BICDL1: variants seen among roughly 807,000 people sequenced by gnomAD.
The protein encoded by BICDL1 is BICD family like cargo adaptor 1, also known as BICD family-like cargo adapter 1.
In BICDL1, 20 loss-of-function variants were observed where a neutral mutation model predicts 76.8. The observed-to-expected ratio is 0.26, with a 90% CI of 0.18 to 0.38. The LOEUF (loss-of-function observed/expected upper bound fraction) is 0.38, where lower values mean the gene tolerates loss of function less well. Among genes scored for constraint, BICDL1 ranks in the 10% least tolerant of loss-of-function variants. The pLI is 1.00. For synonymous variants in BICDL1, 383 were observed against 337.1 expected, an observed-to-expected ratio of 1.14 and a Z score of -1.49; for missense variants, 700 against 798.6, an observed-to-expected ratio of 0.88 and a Z score of 1.49.
Position 119,989,926 on chromosome 12 carries a change from A to C in BICDL1, c.58A>C (p.Ser20Arg). 6.8e-7 allele frequency: 1 copy of C among 1,467,088 alleles called. No homozygotes were observed. The allele number at this position is 1,467,088 out of a possible 1,614,324, so 90.9% of individuals were successfully genotyped here. Residue 20 changes from serine (S) to arginine (R), a missense_variant, in exon 1 of 10, where the codon AGC becomes CGC. Ser to Arg is a moderately radical substitution (Grantham distance 110). Coordinates refer to ENST00000548673, the MANE Select transcript of BICDL1 (RefSeq NM_001367886.1). ...GRASAPAEPDSACCMELPAAA... is the reference protein window; with the variant it reads ...GRASAPAEPDRACCMELPAAA... ...CGCTTCAGCACCCGCCGAGCCGGAC[A>C]GCGCCTGCTGCATGGAGCTGCCCGC...
intron 9 of BICDL1, 167 bp downstream of exon 9, chr12:120,090,238 G>A (rs1454823817): frequency 1.4e-6 from 1 of 736,786 alleles, no homozygotes; most frequent in East Asian, 2.8e-5. Context: ...CCTAGTCCTT[G>A]GGGAAGAATG....
chr12:120,091,517 A>AG (rs1281330322), intron 9 of BICDL1: 1 of 983,224 alleles, frequency 1.0e-6, no homozygotes, highest in Non-Finnish European at 1.2e-6. Context: ...CCTTATAAGG[A>AG]GGGACCGTGT....
At chr12:120,003,441 C>G (rs1951797011) in intron 2 of BICDL1, among the ~76,000 whole-genome samples, 1 of 152,144 alleles carries the variant, frequency 6.6e-6, no homozygotes, top group African/African-American at 2.4e-5. Flanking sequence ...ATTATTAGAA[C>G]TATAACTGTC....
At position 120,094,365 on chromosome 12, in the gene BICDL1, C is replaced by G. The variant is rs147755545; in HGVS notation, c.*1204C>G. The G allele has an allele frequency of 9.8e-4, 436 of 444,804 alleles. 3 individuals are homozygous for G. Among genetic ancestry groups the G allele is most frequent in the Non-Finnish European group, 3.1e-4 (68 of 219,914 alleles). The allele number at this position is 444,804 out of a possible 1,614,324, so 27.6% of individuals were successfully genotyped here. A position where few individuals can be genotyped will look rare whatever the true frequency, so the allele number is the denominator to read the frequency against. Reference sequence around the variant, plus strand: ...GTGCTGTAATTTTGTATGTAGCAATCATGTAAATACATGTATGGATTTTAT... The same window carrying G: ...GTGCTGTAATTTTGTATGTAGCAATGATGTAAATACATGTATGGATTTTAT... On this transcript the variant is annotated 3_prime_UTR_variant, in exon 10 of 10. Coordinates refer to ENST00000548673, the MANE Select transcript of BICDL1 (RefSeq NM_001367886.1).
intron 2 of BICDL1, among the ~76,000 whole-genome samples, chr12:120,059,334 A>G (rs1360178918): frequency 2.6e-5 from 4 of 152,014 alleles, no homozygotes; most frequent in Non-Finnish European, 4.4e-5. Flanking sequence ...CAGTGGCTCA[A>G]TCTCAACTCA....
intron 2 of BICDL1, among the ~76,000 whole-genome samples, chr12:120,038,865 C>T (rs1055429937): frequency 6.6e-6 from 1 of 152,162 alleles, no homozygotes; most frequent in African/African-American, 2.4e-5. Context: ...GTTCATGTGA[C>T]ACCAATTGGC....
intron 4 of BICDL1, among the ~76,000 whole-genome samples, chr12:120,067,435 A>T (rs1953245101): frequency 6.6e-6 from 1 of 152,252 alleles, no homozygotes. Context: ...GTACAAACAC[A>T]AAGCACTTGG....
At chr12:120,092,763 A>G (rs1487275334) in intron 9 of BICDL1, 2 of 985,264 alleles carry the variant, frequency 2.0e-6, no homozygotes, top group African/African-American at 3.5e-5. Context: ...CAGGAGTAAC[A>G]CTGTTGAGGA....
chr12:120,078,641 A>AT (rs1873746652), intron 7 of BICDL1, among the ~76,000 whole-genome samples: 3 of 152,340 alleles, frequency 2.0e-5, no homozygotes, highest in Admixed American at 2.0e-4. Context: ...ATTTCCGCTT[A>AT]TTATAAAAAG....
chr12:120,093,949 T>C lies in BICDL1; in HGVS notation c.*788T>C, dbSNP rs992938370. 1.2e-5 allele frequency: 4 copies of C among 323,520 alleles called. No homozygotes were observed. Among genetic ancestry groups the C allele is most frequent in the Admixed American group, 4.1e-5 (1 of 24,514 alleles). 20.0% of individuals were successfully genotyped at this position (323,520 alleles called of 1,614,324 possible). The stretch of plus-strand genomic sequence containing the variant: ...CTCAGGGCTGGGGTTGGACGGGGTC[T>C]CCTCCTCCCACAGCTCCCTCCTCCA... On this transcript the variant is annotated 3_prime_UTR_variant, in exon 10 of 10. Transcript: ENST00000548673.
chr12:120,033,367 CTT>C lies in BICDL1; in HGVS notation c.646-28323_646-28322del, dbSNP rs569302592. On this transcript the variant is annotated intron_variant, in intron 2 of 9. Transcript: ENST00000548673. ...CAGTTTTCCTGTGGAGAGTTCTTGC[CTT>C]TTTTTTTTTTTTTTTTTTTGTGGGG... is the stretch of plus-strand genomic sequence containing the variant. 3.0e-4 allele frequency among the ~76,000 whole-genome samples: 23 copies of C among 77,606 alleles called. 1 individual carries two copies. Among genetic ancestry groups the C allele is most frequent in the African/African-American group, 1.6e-3 (20 of 12,696 alleles). The allele number at this position is 77,606 out of a possible 152,430, so 50.9% of individuals were successfully genotyped here.
chr12:120,080,221 C>T (rs1873861124), intron 7 of BICDL1, among the ~76,000 whole-genome samples: 1 of 152,220 alleles, frequency 6.6e-6, no homozygotes, highest in South Asian at 2.1e-4. Context: ...AGGGGTGCCT[C>T]ACTGCCAAAG....
Position 120,039,637 on chromosome 12 carries a change from C to CAAAAA in BICDL1, c.646-22054_646-22050dup, listed in dbSNP as rs58284420. On this transcript the variant is annotated intron_variant, in intron 2 of 9. Transcript: ENST00000548673. ...TGGGTGACAGAGTGAGACTCCGTCT[C>CAAAAA]AAAAAAAAAAAAAAAAAAAAAAAGA... Among the ~76,000 whole-genome samples the CAAAAA allele has an allele frequency of 9.0e-3, 450 of 50,026 alleles. 4 individuals carry two copies. The highest frequency in any genetic ancestry group is 0.013 in the Non-Finnish European group (321 of 24,998). The allele number at this position is 50,026 out of a possible 152,430, so 32.8% of individuals were successfully genotyped here. A position where few individuals can be genotyped will look rare whatever the true frequency, so the allele number is the denominator to read the frequency against.
intron 1 of BICDL1, among the ~76,000 whole-genome samples, chr12:119,991,526 A>T (rs552031802): frequency 6.6e-6 from 1 of 152,356 alleles, no homozygotes; most frequent in South Asian, 2.1e-4. Flanking sequence ...TCGTTTGTGA[A>T]ACCTATAGGT....
At chr12:120,009,108 G>A (rs867428095) in intron 2 of BICDL1, among the ~76,000 whole-genome samples, 25 of 151,910 alleles carry the variant, frequency 1.6e-4, no homozygotes, top group African/African-American at 5.1e-4. Context: ...GTGCCTCAGC[G>A]TCCCGAGTAG....
At chr12:120,050,123 T>G (rs1212479929) in intron 2 of BICDL1, among the ~76,000 whole-genome samples, 1 of 152,194 alleles carries the variant, frequency 6.6e-6, no homozygotes, top group Non-Finnish European at 1.5e-5. Context: ...AAGTATCTGT[T>G]CGAATGTTTT....
At position 120,078,729 on chromosome 12, in the gene BICDL1, T is replaced by A. The variant is rs555367486; in HGVS notation, c.1453-2158T>A. ...TCTGGTAGGCTGTAACTCGACCAGG[T>A]TTTTTAGGCCAAAGCAAAAAGTTCT... On this transcript the variant is annotated intron_variant, in intron 7 of 9. Transcript: ENST00000548673. Among the ~76,000 whole-genome samples the A allele has an allele frequency of 1.6e-3, 251 of 152,328 alleles. 1 individual carries two copies. The highest frequency in any genetic ancestry group is 5.8e-3 in the African/African-American group (242 of 41,568).
intron 2 of BICDL1, among the ~76,000 whole-genome samples, chr12:120,060,379 A>G (rs1953078151): frequency 6.6e-6 from 1 of 152,198 alleles, no homozygotes; most frequent in African/African-American, 2.4e-5. Flanking sequence ...TTGGCAGCCT[A>G]ATGCTGATTC....
intron 2 of BICDL1, among the ~76,000 whole-genome samples, chr12:120,005,555 G>A (rs1951834081): frequency 6.6e-6 from 1 of 152,102 alleles, no homozygotes; most frequent in African/African-American, 2.4e-5. Context: ...TGTATTTTTA[G>A]TAGAGATGCG....
Sources: allele counts gnomAD v4.1 joint callset (sites outside exome capture counted in the v4.1 genomes callset), GRCh38; gene constraint gnomAD v4.1.1; transcripts MANE v1.5; gene names NCBI Gene and HGNC (gene_info 2026-07-23, HGNC 2026-07-21).